PALLD: variants seen among roughly 807,000 people sequenced by gnomAD.
PALLD encodes the protein palladin, cytoskeletal associated protein.
Under a neutral mutation model 123.5 loss-of-function variants are expected in PALLD, and 61 were observed. The ratio of observed to expected loss-of-function variants is 0.49; its 90% CI spans 0.40 to 0.61. The LOEUF is 0.61. Among genes scored for constraint, PALLD ranks in the 20% least tolerant of loss-of-function variants. The pLI is 0.00. For synonymous variants in PALLD, 465 were observed against 496.4 expected (o/e 0.94, Z 0.84); for missense variants, 1,273 against 1,377.0 (o/e 0.92, Z 1.20).
chr4:168,902,182 G>A (rs1217192086), intron 14 of PALLD, among the ~76,000 whole-genome samples: 1 of 152,148 alleles, frequency 6.6e-6, no homozygotes, highest in Non-Finnish European at 1.5e-5. Context: ...GTCAGTTTAT[G>A]TTACCAATTT....
At chr4:168,625,142 T>C (rs933927395) in intron 2 of PALLD, among the ~76,000 whole-genome samples, 2 of 152,022 alleles carry the variant, frequency 1.3e-5, no homozygotes, top group African/African-American at 4.8e-5. Context: ...AGTGATTAGA[T>C]ATTAGATATT....
At position 168,739,079 on chromosome 4, in the gene PALLD, T is replaced by C. The variant is rs564981428; in HGVS notation, c.1964+27156T>C. On this transcript the variant is annotated intron_variant, in intron 10 of 21. Coordinates refer to ENST00000505667, the MANE Select transcript of PALLD (RefSeq NM_001166108.2). ...TTTACACAATGATCTCCCATTCCAT[T>C]CATGTTGCTGCAGATGACAGCCTTT... 2.0e-4 allele frequency among the ~76,000 whole-genome samples: 31 copies of C among 152,326 alleles called. 1 individual carries two copies. The highest frequency in any genetic ancestry group is 6.5e-4 in the African/African-American group (27 of 41,580).
intron 2 of PALLD, among the ~76,000 whole-genome samples, chr4:168,558,847 G>A (rs534594863): frequency 3.9e-5 from 6 of 152,254 alleles, no homozygotes; most frequent in African/African-American, 1.4e-4. Context: ...ACCAAAGGAA[G>A]CAATAATGAT....
At chr4:168,611,615 G>T (rs563589112) in intron 2 of PALLD, among the ~76,000 whole-genome samples, 1 of 152,302 alleles carries the variant, frequency 6.6e-6, no homozygotes, top group South Asian at 2.1e-4. Flanking sequence ...CTTATTCTAT[G>T]ACCAAATAGT....
chr4:168,563,987 G>A (rs1286539528), intron 2 of PALLD, among the ~76,000 whole-genome samples: 1 of 152,162 alleles, frequency 6.6e-6, no homozygotes, highest in Non-Finnish European at 1.5e-5. Flanking sequence ...TACCCATTAA[G>A]TAGTCTGCCT....
intron 10 of PALLD, among the ~76,000 whole-genome samples, chr4:168,747,225 A>C (rs1180898788): frequency 1.3e-5 from 2 of 152,196 alleles, no homozygotes; most frequent in Non-Finnish European, 2.9e-5. Context: ...AGCTGCATAA[A>C]AGGGTAGATC....
At position 168,644,710 on chromosome 4, in the gene PALLD, C is replaced by G. The variant is rs553933722; in HGVS notation, c.909-23480C>G. 1.6e-3 allele frequency among the ~76,000 whole-genome samples: 237 copies of G among 152,314 alleles called. 3 individuals carry two copies. Among genetic ancestry groups the G allele is most frequent in the Non-Finnish European group, 2.5e-3 (173 of 68,032 alleles). ...TCATTCGTGATAACTCTCTTCATCT[C>G]CTCTGTACCTGTGTTCCTTTTTCGT... On this transcript the variant is annotated intron_variant, in intron 2 of 21. Coordinates refer to ENST00000505667, the MANE Select transcript of PALLD (RefSeq NM_001166108.2).
At chr4:168,532,668 G>GA (rs957050116) in intron 2 of PALLD, among the ~76,000 whole-genome samples, 2 of 152,036 alleles carry the variant, frequency 1.3e-5, no homozygotes, top group African/African-American at 2.4e-5. Context: ...TCTTGTAGAA[G>GA]AAAAAATGAC....
At chr4:168,500,448 A>C (rs574059426) in intron 1 of PALLD, among the ~76,000 whole-genome samples, 2 of 152,242 alleles carry the variant, frequency 1.3e-5, no homozygotes, top group South Asian at 4.1e-4. Flanking sequence ...ACTGCAGCCT[A>C]GAACTCTTGG....
intron 17 of PALLD, among the ~76,000 whole-genome samples, chr4:168,916,762 C>T (rs548839938): frequency 6.7e-6 from 1 of 148,872 alleles, no homozygotes; most frequent in East Asian, 2.0e-4. Context: ...CTCGCTGCAA[C>T]CTCTGCCTCC....
intron 2 of PALLD, among the ~76,000 whole-genome samples, chr4:168,568,275 T>G (rs1768611851): frequency 6.6e-6 from 1 of 152,154 alleles, no homozygotes; most frequent in African/African-American, 2.4e-5. Context: ...TTAGAAATTC[T>G]ATAGCAGAAC....
intron 10 of PALLD, among the ~76,000 whole-genome samples, chr4:168,835,345 A>T (rs892506818): frequency 7.2e-5 from 11 of 152,244 alleles, no homozygotes. Flanking sequence ...TTTAAAAATA[A>T]TACATTAAAA....
chr4:168,685,491 A>G lies in PALLD; in HGVS notation c.1267A>G (p.Ser423Gly), dbSNP rs1781942769. 1 of 1,608,522 alleles carries G rather than the reference A, an allele frequency of 6.2e-7. No homozygotes were observed. Among genetic ancestry groups the G allele is most frequent in the East Asian group, 2.2e-5 (1 of 44,868 alleles). Reference protein sequence around the residue: ...PLSVPVQQVHSPTSYLCRPDG... With the variant: ...PLSVPVQQVHGPTSYLCRPDG... ...TATGTCTCTGCTTTTGCAGGTTCAC[A>G]GTCCAACTTCATATCTCTGCCGACC... The change falls in exon 6 of 22, where the codon AGT (serine) becomes GGT (glycine). Residue 423 changes from serine to glycine, a missense_variant. By Grantham distance (56) the Ser-to-Gly change is moderately conservative. Transcript: ENST00000505667.
intron 2 of PALLD, among the ~76,000 whole-genome samples, chr4:168,602,100 G>C (rs1200700086): frequency 6.6e-6 from 1 of 152,162 alleles, no homozygotes; most frequent in Non-Finnish European, 1.5e-5. Flanking sequence ...CAGACAGTTG[G>C]TCTGGCCAGT....
At chr4:168,656,836 C>T (rs1778629490) in intron 2 of PALLD, among the ~76,000 whole-genome samples, 1 of 152,140 alleles carries the variant, frequency 6.6e-6, no homozygotes, top group South Asian at 2.1e-4. Context: ...ACATTAATTC[C>T]TGTGTAAGAA....
intron 2 of PALLD, chr4:168,537,601 C>G (rs1415010680): frequency 1.3e-5 from 2 of 152,174 alleles, no homozygotes; most frequent in Non-Finnish European, 1.5e-5. Context: ...ATCATACTTA[C>G]ACTACTAATG....
At chr4:168,808,095 G>A (rs1740497051) in intron 10 of PALLD, among the ~76,000 whole-genome samples, 1 of 151,704 alleles carries the variant, frequency 6.6e-6, no homozygotes, top group Non-Finnish European at 1.5e-5. Context: ...TGTAATATAA[G>A]TACTACATAT....
intron 2 of PALLD, among the ~76,000 whole-genome samples, chr4:168,639,330 G>T (rs1776662124): frequency 2.0e-5 from 3 of 152,144 alleles, no homozygotes; most frequent in African/African-American, 7.2e-5. Flanking sequence ...GATTCCAAAT[G>T]CAGTCAGTAT....
At chr4:168,586,346 G>GT (rs985294440) in intron 2 of PALLD, among the ~76,000 whole-genome samples, 49 of 150,408 alleles carry the variant, frequency 3.3e-4, no homozygotes, top group East Asian at 7.8e-4. Context: ...TATAGAGAAC[G>GT]TTTTTTTTTA....
Sources: allele counts gnomAD v4.1 joint callset (sites outside exome capture counted in the v4.1 genomes callset), GRCh38; gene constraint gnomAD v4.1.1; transcripts MANE v1.5; gene names NCBI Gene and HGNC (gene_info 2026-07-23, HGNC 2026-07-21).